The following RSPH10B2 variants were observed in gnomAD, a reference collection of about 807,000 sequenced individuals.
RSPH10B2 encodes radial spoke head 10 homolog B2.
Under a neutral mutation model 49.0 loss-of-function variants are expected in RSPH10B2, and 9 were observed. The observed-to-expected ratio is 0.18, with a 90% CI of 0.11 to 0.32. The LOEUF is 0.32. Ranked by LOEUF, RSPH10B2 falls within the 10% of genes least tolerant of loss-of-function variation. RSPH10B2 has a pLI of 1.00. For synonymous variants in RSPH10B2, 35 were observed against 210.2 expected, an observed-to-expected ratio of 0.17 and a Z score of 7.21; for missense variants, 95 against 589.9, an observed-to-expected ratio of 0.16 and a Z score of 8.69.
Position 6,765,861 on chromosome 7 carries a change from C to T in RSPH10B2, c.659+70C>T, listed in dbSNP as rs1781443572. 1.3e-5 allele frequency: 17 copies of T among 1,346,928 alleles called. No individual in the cohort carries two copies. The South Asian group carries it at 1.5e-4, about 12-fold the overall frequency. The allele number at this position is 1,346,928 out of a possible 1,614,324, so 83.4% of individuals were successfully genotyped here. The stretch of plus-strand genomic sequence containing the variant: ...TTTGTGGGCCCAATAGCGTTCACCT[C>T]GGATATTTAAAAGTAAGATGCAAAA... On this transcript the variant is annotated intron_variant, in intron 5 of 18. Transcript: ENST00000297186.
At position 6,796,323 on chromosome 7, in the gene RSPH10B2, A is replaced by G. The variant is rs1286953975; in HGVS notation, c.2234-245A>G. Among the ~76,000 whole-genome samples, 2 of 129,912 alleles carry G rather than the reference A, an allele frequency of 1.5e-5. 1 individual carries two copies. Among genetic ancestry groups the G allele is most frequent in the African/African-American group, 5.4e-5 (2 of 36,746 alleles). The allele number at this position is 129,912 out of a possible 152,430, so 85.2% of individuals were successfully genotyped here. ...AGTGAGACTCTGTCTCCAAAAAAAAAAAAACAAAAAAGAAAAAACGAGGTA... is the reference window on the plus strand; with the variant it reads ...AGTGAGACTCTGTCTCCAAAAAAAAGAAAACAAAAAAGAAAAAACGAGGTA... On this transcript the variant is annotated intron_variant, in intron 17 of 18. Transcript: ENST00000297186.
intron 18 of RSPH10B2, chr7:6,796,995 T>G (rs1782598166): frequency 2.7e-6 from 1 of 374,134 alleles, no homozygotes; most frequent in Admixed American, 5.0e-5. Context: ...TGTTCTAATA[T>G]TTGGTCTTAG....
At chr7:6,794,261 C>T (rs1782482910) in intron 17 of RSPH10B2, 1 of 153,122 alleles carries the variant, frequency 6.5e-6, no homozygotes, top group South Asian at 2.1e-4. Flanking sequence ...CACTGTCCTC[C>T]CCAGGCCACT....
chr7:6,756,098 C>T (rs1781067733), upstream of RSPH10B2, among the ~76,000 whole-genome samples: 2 of 150,376 alleles, frequency 1.3e-5, no homozygotes, highest in African/African-American at 2.5e-5. Flanking sequence ...GAAACCCCGT[C>T]TCTACTAAAA....
chr7:6,795,589 G>A (rs559730513), intron 17 of RSPH10B2, among the ~76,000 whole-genome samples: 27 of 120,758 alleles, frequency 2.2e-4, no homozygotes, highest in Admixed American at 1.9e-3. Context: ...GGGCAACATA[G>A]CGAAACCTTG....
At chr7:6,777,059 GTTTTGTTTT>G (rs1320426012) in intron 10 of RSPH10B2, among the ~76,000 whole-genome samples, 2 of 40,528 alleles carry the variant, frequency 4.9e-5, no homozygotes, top group African/African-American at 2.4e-4. Context: ...GTTTTGTTTT[GTTTTGTTTT>G]TTTTGAGACA....
chr7:6,764,709 TGTGTG>T (rs1431701237), intron 4 of RSPH10B2, among the ~76,000 whole-genome samples: 1 of 11,936 alleles, frequency 8.4e-5, no homozygotes, highest in Non-Finnish European at 2.0e-4. Context: ...TTGTTGTTGT[TGTGTG>T]TGTGTGTGTG....
At chr7:6,783,896 A>G (rs1782040789) in intron 13 of RSPH10B2, among the ~76,000 whole-genome samples, 1 of 139,900 alleles carries the variant, frequency 7.1e-6, no homozygotes, top group African/African-American at 2.7e-5. Flanking sequence ...GAGTGCAGCG[A>G]CCTGATCTTG....
rs1446946187 is a variant in RSPH10B2 at position 6,779,847 on chromosome 7, G to A, written c.1529+123G>A. 1.8e-4 allele frequency: 66 copies of A among 367,746 alleles called. 9 individuals are homozygous for A. In the Admixed American group the frequency reaches 3.2e-3, roughly 18 times the overall value. 22.8% of individuals were successfully genotyped at this position (367,746 alleles called of 1,614,324 possible). A position where few individuals can be genotyped will look rare whatever the true frequency, so the allele number is the denominator to read the frequency against. ...TTTGGAGATGGAGTCTTGCTCTGTC[G>A]CCCAGGCTGGAGTGCAGTGGCACAA... On this transcript the variant is annotated intron_variant, in intron 11 of 18. Coordinates refer to ENST00000297186, the Ensembl canonical transcript of RSPH10B2.
At position 6,780,114 on chromosome 7, in the gene RSPH10B2, T is replaced by C. The variant is rs1415916935; in HGVS notation, c.1529+390T>C. On this transcript the variant is annotated intron_variant, in intron 11 of 18. Transcript: ENST00000297186. Reference sequence around the variant, plus strand: ...CTGGGATTACAGGCGTGAGCCACCATGCCCAGCCTCAGCAGTCTTTTTTTA... The same window carrying C: ...CTGGGATTACAGGCGTGAGCCACCACGCCCAGCCTCAGCAGTCTTTTTTTA... Among the ~76,000 whole-genome samples the C allele has an allele frequency of 5.4e-5, 6 of 111,622 alleles. 2 individuals carry two copies. The East Asian group carries it at 2.0e-3, about 38-fold the overall frequency. 73.2% of individuals were successfully genotyped at this position (111,622 alleles called of 152,430 possible).
chr7:6,764,631 G>A (rs1781392972), intron 4 of RSPH10B2, among the ~76,000 whole-genome samples: 1 of 151,718 alleles, frequency 6.6e-6, no homozygotes, highest in African/African-American at 2.4e-5. Flanking sequence ...AAAGTGCTGG[G>A]ATTACAGGCG....
rs186176351 is a variant in RSPH10B2 at position 6,797,064 on chromosome 7, A to G, written c.2432+298A>G. ...CTCACTGTCACCCAGGCTAGAGTGG[A>G]GTGGTATGATCTCAGCTCACTGCAA... On this transcript the variant is annotated intron_variant, in intron 18 of 18. Coordinates refer to ENST00000297186, the Ensembl canonical transcript of RSPH10B2. The G allele has an allele frequency of 6.9e-4, 240 of 346,974 alleles. 10 individuals are homozygous for G. Among genetic ancestry groups the G allele is most frequent in the Middle Eastern group, 1.9e-3 (2 of 1,078 alleles). The allele number at this position is 346,974 out of a possible 1,614,324, so 21.5% of individuals were successfully genotyped here.
At chr7:6,783,899 T>C (rs1782041032) in intron 13 of RSPH10B2, among the ~76,000 whole-genome samples, 1 of 141,066 alleles carries the variant, frequency 7.1e-6, no homozygotes, top group Non-Finnish European at 1.5e-5. Context: ...TGCAGCGACC[T>C]GATCTTGGCT....
At chr7:6,791,743 CAA>C (rs146980235) in intron 16 of RSPH10B2, among the ~76,000 whole-genome samples, 159 bp from the exon 19 acceptor site, 2 of 27,384 alleles carry the variant, frequency 7.3e-5, no homozygotes, top group Non-Finnish European at 1.3e-4. Flanking sequence ...GACTCTGTCT[CAA>C]AAAAAAAAAA....
intron 18 of RSPH10B2, among the ~76,000 whole-genome samples, chr7:6,797,689 A>G (rs1014885318): frequency 6.6e-6 from 1 of 152,040 alleles, no homozygotes; most frequent in Non-Finnish European, 1.5e-5. Flanking sequence ...CCTCATCTCT[A>G]CAAAAAATAC....
chr7:6,785,750 A>C (rs1388672130), intron 13 of RSPH10B2, among the ~76,000 whole-genome samples, 199 bp from the exon 16 acceptor site: 1 of 151,130 alleles, frequency 6.6e-6, no homozygotes, highest in Non-Finnish European at 1.5e-5. Context: ...ACTTGAACCC[A>C]GGAGGTGGAG....
In RSPH10B2 at chr7:6,781,744, G is replaced by GTA. The variant is rs1435209050; in HGVS notation, c.1758+280_1758+281dup. Among the ~76,000 whole-genome samples the GTA allele has an allele frequency of 1.9e-4, 18 of 95,300 alleles. 3 individuals carry two copies. The highest frequency in any genetic ancestry group is 9.3e-4 in the East Asian group (3 of 3,210). 62.5% of individuals were successfully genotyped at this position (95,300 alleles called of 152,430 possible). A position where few individuals can be genotyped will look rare whatever the true frequency, so the allele number is the denominator to read the frequency against. On this transcript the variant is annotated intron_variant, in intron 13 of 18. Coordinates refer to ENST00000297186, the Ensembl canonical transcript of RSPH10B2. ...CCTATAACAATGGCCCATGGCATGC[G>GTA]TATATATATATATTGCAATCCCAGC...
upstream of RSPH10B2, among the ~76,000 whole-genome samples, chr7:6,756,291 T>TAAAC (rs937289068): frequency 1.3e-4 from 17 of 129,474 alleles, no homozygotes; most frequent in East Asian, 2.6e-3. Flanking sequence ...AATAAATAAA[T>TAAAC]AAACAAACCC....
chr7:6,795,394 A>C (rs1782511526), intron 17 of RSPH10B2, among the ~76,000 whole-genome samples: 1 of 24,082 alleles, frequency 4.2e-5, no homozygotes, highest in Non-Finnish European at 1.0e-4. Flanking sequence ...TCTCTAGGAG[A>C]GAGGATTCAC....
Sources: gnomAD v4.1 joint callset for allele counts (sites outside exome capture counted in the v4.1 genomes callset) on GRCh38, gnomAD v4.1.1 for gene constraint, MANE v1.5 for transcripts, NCBI Gene and HGNC (gene_info 2026-07-23, HGNC 2026-07-21) for gene names.